Variants in PRKG1 observed in about 807,000 individuals in gnomAD.
The protein encoded by PRKG1 is protein kinase cGMP-dependent 1, also known as cGMP-dependent protein kinase 1.
Under a neutral mutation model 88.1 loss-of-function variants are expected in PRKG1, and 35 were observed. The ratio of observed to expected loss-of-function variants is 0.40; its 90% confidence interval spans 0.30 to 0.53. The LOEUF is 0.53. PRKG1 is among the 20% of genes least tolerant of loss of function. PRKG1 has a pLI of 0.59. For synonymous variants in PRKG1, 303 were observed against 292.5 expected (o/e 1.04, Z -0.37); for missense variants, 540 against 839.8 (o/e 0.64, Z 4.41).
At chr10:52,078,339 T>G (rs1846684902) in intron 7 of PRKG1, among the ~76,000 whole-genome samples, 2 of 152,238 alleles carry the variant, frequency 1.3e-5, no homozygotes, top group Admixed American at 6.5e-5. Context: ...AATAATCATT[T>G]TTTAAATATA....
intron 2 of PRKG1, among the ~76,000 whole-genome samples, chr10:51,252,599 C>G (rs1564656291): frequency 7.0e-6 from 1 of 142,080 alleles, no homozygotes; most frequent in African/African-American, 3.0e-5. Flanking sequence ...TTATCATTCT[C>G]TCAACTCTAC....
intron 5 of PRKG1, among the ~76,000 whole-genome samples, chr10:51,914,726 T>C (rs1842300737): frequency 6.6e-6 from 1 of 152,214 alleles, no homozygotes; most frequent in African/African-American, 2.4e-5. Context: ...TTTTGCATGA[T>C]TGGATCTTGG....
chr10:51,572,334 T>A (rs1431688841), intron 3 of PRKG1, among the ~76,000 whole-genome samples: 1 of 151,728 alleles, frequency 6.6e-6, no homozygotes, highest in Admixed American at 6.6e-5. Context: ...TACAGAGTAA[T>A]GAAAGGAAAT....
chr10:52,180,600 T>G (rs2134770), intron 9 of PRKG1, among the ~76,000 whole-genome samples: 66,011 of 151,972 alleles, frequency 0.43, 14,903 homozygotes, highest in African/African-American at 0.57. Flanking sequence ...TTTATTGTAG[T>G]TTAGTGCAGC....
intron 5 of PRKG1, among the ~76,000 whole-genome samples, chr10:51,977,163 G>A (rs1843858768): frequency 6.6e-6 from 1 of 151,862 alleles, no homozygotes; most frequent in South Asian, 2.1e-4. Context: ...TCCCCTCTAT[G>A]TGTCTATGCA....
intron 2 of PRKG1, among the ~76,000 whole-genome samples, chr10:51,247,674 T>C (rs764160253): frequency 1.3e-5 from 2 of 151,956 alleles, no homozygotes; most frequent in Non-Finnish European, 2.9e-5. Flanking sequence ...CCTGCTAAAT[T>C]TGTAGAATGA....
chr10:51,699,553 T>G (rs1210133051), intron 3 of PRKG1: 1 of 1,606,342 alleles, frequency 6.2e-7, no homozygotes, highest in Non-Finnish European at 8.5e-7. Flanking sequence ...TCGACATGAT[T>G]CCGGTTGTGC....
chr10:51,121,286 G>A (rs979985227), intron 1 of PRKG1, among the ~76,000 whole-genome samples: 1 of 152,110 alleles, frequency 6.6e-6, no homozygotes, highest in Admixed American at 6.6e-5. Flanking sequence ...ACATCTTTGA[G>A]GAGCCACTAT....
At chr10:52,030,354 T>A (rs1845445594) in intron 5 of PRKG1, among the ~76,000 whole-genome samples, 1 of 152,186 alleles carries the variant, frequency 6.6e-6, no homozygotes, top group Non-Finnish European at 1.5e-5. Flanking sequence ...TGAACCCCCA[T>A]GCCACTGAGG....
intron 3 of PRKG1, among the ~76,000 whole-genome samples, chr10:51,736,126 G>C (rs536384081): frequency 1.3e-5 from 2 of 150,762 alleles, no homozygotes; most frequent in East Asian, 1.9e-4. Flanking sequence ...TCCTGGGCTC[G>C]AACGATCCAC....
chr10:51,290,967 A>C (rs1475232176), intron 2 of PRKG1, among the ~76,000 whole-genome samples: 1 of 152,194 alleles, frequency 6.6e-6, no homozygotes, highest in Non-Finnish European at 1.5e-5. Flanking sequence ...ACTATAAGCT[A>C]TACTACATGT....
At chr10:51,698,505 C>A in intron 3 of PRKG1, 2 of 1,614,144 alleles carry the variant, frequency 1.2e-6, no homozygotes, top group Non-Finnish European at 1.7e-6. Context: ...CTGGGCTCCA[C>A]TTCTCCAGTG....
At chr10:52,207,252 CT>C (rs753594882) in intron 9 of PRKG1, among the ~76,000 whole-genome samples, 3 of 151,816 alleles carry the variant, frequency 2.0e-5, no homozygotes, top group African/African-American at 7.3e-5. Flanking sequence ...CGGGAGGATG[CT>C]GTGTGGAGAG....
chr10:52,044,717 A>AT (rs1158893799), intron 5 of PRKG1, among the ~76,000 whole-genome samples: 2 of 152,002 alleles, frequency 1.3e-5, no homozygotes, highest in African/African-American at 2.4e-5. Context: ...GTTCTATTCC[A>AT]TTTTTTTAAA....
intron 2 of PRKG1, among the ~76,000 whole-genome samples, chr10:51,250,163 A>C (rs1377779914): frequency 2.0e-5 from 3 of 151,780 alleles, no homozygotes; most frequent in Non-Finnish European, 4.4e-5. Context: ...GCAAAAGACC[A>C]ATTTATTCAG....
intron 2 of PRKG1, among the ~76,000 whole-genome samples, chr10:51,233,800 T>C (rs1838909712): frequency 6.6e-6 from 1 of 152,150 alleles, no homozygotes; most frequent in African/African-American, 2.4e-5. Flanking sequence ...CAAAACATTT[T>C]CTTGATGTTA....
chr10:51,501,057 A>G (rs1049870832), intron 3 of PRKG1, among the ~76,000 whole-genome samples: 1 of 146,930 alleles, frequency 6.8e-6, no homozygotes, highest in Non-Finnish European at 1.5e-5. Context: ...TTTAGCACTC[A>G]GACCTTCCCT....
intron 5 of PRKG1, among the ~76,000 whole-genome samples, chr10:52,004,425 C>T (rs1454103352): frequency 6.6e-6 from 1 of 152,180 alleles, no homozygotes; most frequent in Non-Finnish European, 1.5e-5. Flanking sequence ...AACACTAATT[C>T]TTAGCTAAAA....
At chr10:51,884,451 A>AAAAG (rs1841518149) in intron 4 of PRKG1, among the ~76,000 whole-genome samples, 1 of 141,562 alleles carries the variant, frequency 7.1e-6, no homozygotes, top group Non-Finnish European at 1.5e-5. Context: ...TCTCAAAAAA[A>AAAAG]AAAAAAAAAA....
Sources: allele counts gnomAD v4.1 joint callset (sites outside exome capture counted in the v4.1 genomes callset), GRCh38; gene constraint gnomAD v4.1.1; transcripts MANE v1.5; gene names NCBI Gene and HGNC (gene_info 2026-07-23, HGNC 2026-07-21).